Variants in AGBL4 observed in about 807,000 individuals in gnomAD.
AGBL4 encodes cytosolic carboxypeptidase 6.
AGBL4 carries 58 observed loss-of-function variants against 66.4 expected under a neutral mutation model. The observed-to-expected ratio is 0.87, with a 90% CI of 0.71 to 1.09. The LOEUF is 1.09. AGBL4 is among the 50% of genes least tolerant of loss of function. The probability of loss-of-function intolerance (pLI) is 0.00; values close to 1 mark genes in which losing one functional copy is unlikely to be tolerated. For synonymous variants in AGBL4, 234 were observed against 222.9 expected, an observed-to-expected ratio of 1.05 and a Z score of -0.44; for missense variants, 579 against 631.0, an observed-to-expected ratio of 0.92 and a Z score of 0.88.
chr1:49,844,587 C>T (rs1646088420), intron 2 of AGBL4: 1 of 1,173,480 alleles, frequency 8.5e-7, no homozygotes, highest in Admixed American at 2.7e-5. Context: ...GCACCTTGAA[C>T]ATTTCAAAAT....
chr1:49,095,522 A>G lies in AGBL4; in HGVS notation c.378-49722T>C, dbSNP rs536996243. On this transcript the variant is annotated intron_variant, in intron 4 of 13. Transcript: ENST00000371839. ...ACCAATGGAACAGAACAGAGCCTTC[A>G]GAAATAATGCAACATATCTACAACT... 5.3e-5 allele frequency among the ~76,000 whole-genome samples: 8 copies of G among 152,350 alleles called. 1 individual carries two copies. In the South Asian group the frequency reaches 1.7e-3, roughly 32 times the overall value.
At chr1:48,968,042 G>C (rs188652284) in intron 5 of AGBL4, among the ~76,000 whole-genome samples, 2 of 151,818 alleles carry the variant, frequency 1.3e-5, no homozygotes, top group African/African-American at 4.8e-5. Context: ...ATCCTTTGAG[G>C]GACCTAAATG....
Position 48,532,895 on chromosome 1 carries a change from C to A in AGBL4, c.*1278G>T, listed in dbSNP as rs569906496. The A allele has an allele frequency of 6.6e-6, 1 of 152,174 alleles. No homozygotes were observed. The highest frequency in any genetic ancestry group is 2.1e-4 in the South Asian group (1 of 4,818). 9.4% of individuals were successfully genotyped at this position (152,174 alleles called of 1,614,324 possible). ...TTTGTGTTCCTCTGGGCAAAACGAA[C>A]CCAGGGGAGAAGCTGTATATACAAC... On this transcript the variant is annotated 3_prime_UTR_variant, in exon 14 of 14. Transcript: ENST00000371839.
At position 48,640,926 on chromosome 1, in the gene AGBL4, A is replaced by G. The variant is rs143212759; in HGVS notation, c.840-6322T>C. Reference sequence around the variant, plus strand: ...AGCTAGAATGAGAGCAATGATTTCAATTCCCCTCCTTATGATTTCTTTTTC... The same window carrying G: ...AGCTAGAATGAGAGCAATGATTTCAGTTCCCCTCCTTATGATTTCTTTTTC... On this transcript the variant is annotated intron_variant, in intron 8 of 13. Transcript: ENST00000371839. Among the ~76,000 whole-genome samples, 1,201 of 152,238 alleles carry G rather than the reference A, an allele frequency of 7.9e-3. 11 individuals carry two copies. The highest frequency in any genetic ancestry group is 0.01 in the Admixed American group (157 of 15,288).
chr1:48,973,813 A>T (rs569204244), intron 5 of AGBL4, among the ~76,000 whole-genome samples: 2 of 152,298 alleles, frequency 1.3e-5, no homozygotes, highest in African/African-American at 4.8e-5. Flanking sequence ...AGGAACTGTC[A>T]TCTACACTTA....
chr1:49,006,729 G>A (rs2148998199), intron 5 of AGBL4, among the ~76,000 whole-genome samples: 1 of 151,328 alleles, frequency 6.6e-6, no homozygotes, highest in Non-Finnish European at 1.5e-5. Flanking sequence ...CCTGACCCCT[G>A]AGCAGCCTAA....
chr1:49,569,307 A>G (rs1030190017), intron 3 of AGBL4, among the ~76,000 whole-genome samples: 3 of 152,122 alleles, frequency 2.0e-5, no homozygotes, highest in Non-Finnish European at 2.9e-5. Context: ...AAAACCTACA[A>G]TTTGATAGCT....
rs182366918 is a variant in AGBL4 at position 49,729,538 on chromosome 1, T to C, written c.158-32101A>G. 4.8e-3 allele frequency among the ~76,000 whole-genome samples: 737 copies of C among 152,198 alleles called. 6 individuals are homozygous for C. The highest frequency in any genetic ancestry group is 0.011 in the Admixed American group (174 of 15,296). On this transcript the variant is annotated intron_variant, in intron 2 of 13. Coordinates refer to ENST00000371839, the MANE Select transcript of AGBL4 (RefSeq NM_032785.4). The stretch of plus-strand genomic sequence containing the variant: ...GGAGGCAATTTTTTCAACTTTACAA[T>C]TGAGATTAACCCCCCCAAAATCCTC...
At chr1:48,983,809 T>C (rs1324381713) in intron 5 of AGBL4, among the ~76,000 whole-genome samples, 2 of 151,816 alleles carry the variant, frequency 1.3e-5, no homozygotes, top group African/African-American at 4.8e-5. Context: ...TTTTTAGGGG[T>C]AGAGAATAAG....
At chr1:49,666,588 T>C (rs989724838) in intron 3 of AGBL4, among the ~76,000 whole-genome samples, 1 of 151,440 alleles carries the variant, frequency 6.6e-6, no homozygotes, top group Non-Finnish European at 1.5e-5. Context: ...TAAATAAATA[T>C]ATAAATAAAA....
At chr1:49,420,653 A>T (rs1263230983) in intron 3 of AGBL4, among the ~76,000 whole-genome samples, 4 of 151,524 alleles carry the variant, frequency 2.6e-5, no homozygotes, top group African/African-American at 9.7e-5. Flanking sequence ...GTGAGCCGAG[A>T]TCGCACCACT....
rs188077163 is a variant in AGBL4, at chr1:49,124,578, C to G, written c.378-78778G>C. Among the ~76,000 whole-genome samples the G allele has an allele frequency of 1.6e-4, 25 of 152,250 alleles. No individual in the cohort carries two copies. The East Asian group carries it at 4.6e-3, about 28-fold the overall frequency. On this transcript the variant is annotated intron_variant, in intron 4 of 13. Transcript: ENST00000371839. ...GAGGAACAGGATCTGGATTTGAAAC[C>G]AATTCATTAACCAACTAGCTGTGTG...
chr1:49,906,472 C>T (rs1650287119), intron 1 of AGBL4, among the ~76,000 whole-genome samples: 1 of 151,940 alleles, frequency 6.6e-6, no homozygotes, highest in Non-Finnish European at 1.5e-5. Context: ...CTATTCAATG[C>T]CAGAGAGACT....
At chr1:49,565,295 C>T (rs1281323702) in intron 3 of AGBL4, among the ~76,000 whole-genome samples, 1 of 152,090 alleles carries the variant, frequency 6.6e-6, no homozygotes, top group Non-Finnish European at 1.5e-5. Flanking sequence ...AGCATTTAGC[C>T]CATTTACATT....
chr1:48,894,218 A>G (rs1274205508), intron 5 of AGBL4, among the ~76,000 whole-genome samples: 1 of 152,258 alleles, frequency 6.6e-6, no homozygotes, highest in East Asian at 1.9e-4. Flanking sequence ...CACATTAAGA[A>G]AGACAATAGT....
chr1:49,279,447 C>G (rs1234409391), intron 3 of AGBL4, among the ~76,000 whole-genome samples: 2 of 152,048 alleles, frequency 1.3e-5, no homozygotes, highest in Admixed American at 1.3e-4. Flanking sequence ...TTATTGAACA[C>G]CTTTCAGTGG....
At chr1:49,810,574 A>G (rs182993263) in intron 2 of AGBL4, among the ~76,000 whole-genome samples, 1 of 152,272 alleles carries the variant, frequency 6.6e-6, no homozygotes, top group Admixed American at 6.5e-5. Flanking sequence ...TAAAGAAGGC[A>G]TTTCTAAAAC....
chr1:49,236,804 T>A (rs1477751248), intron 4 of AGBL4, among the ~76,000 whole-genome samples: 1 of 152,132 alleles, frequency 6.6e-6, no homozygotes, highest in African/African-American at 2.4e-5. Flanking sequence ...CCCTTTATAG[T>A]CAGTGATATG....
At chr1:49,083,898 C>T (rs546569200) in intron 4 of AGBL4, among the ~76,000 whole-genome samples, 30 of 152,314 alleles carry the variant, frequency 2.0e-4, no homozygotes, top group East Asian at 5.8e-4. Context: ...AAGTTTCTTT[C>T]GCTAGATACT....
Sources: gnomAD v4.1 joint callset for allele counts (sites outside exome capture counted in the v4.1 genomes callset) on GRCh38, gnomAD v4.1.1 for gene constraint, MANE v1.5 for transcripts, NCBI Gene and HGNC (gene_info 2026-07-23, HGNC 2026-07-21) for gene names.